Variants in NPIPA5 observed in about 807,000 individuals in gnomAD.
The protein encoded by NPIPA5 is nuclear pore complex interacting protein family member A5, also known as nuclear pore complex-interacting protein family member A5.
In NPIPA5, 6 loss-of-function variants were observed where a neutral mutation model predicts 21.4. That is an observed-to-expected ratio of 0.28 (90% CI 0.15 to 0.55). NPIPA5 has a LOEUF of 0.55. Among genes scored for constraint, NPIPA5 ranks in the 20% least tolerant of loss-of-function variants. NPIPA5 has a pLI of 0.93. For synonymous variants in NPIPA5, 33 were observed against 115.3 expected, an observed-to-expected ratio of 0.29 and a Z score of 4.57; for missense variants, 99 against 318.2, an observed-to-expected ratio of 0.31 and a Z score of 5.24.
upstream of NPIPA5, among the ~76,000 whole-genome samples, chr16:15,379,447 G>T (rs1346837513): frequency 6.6e-6 from 1 of 151,570 alleles, no homozygotes; most frequent in Non-Finnish European, 1.5e-5. Context: ...GGCACCTGTA[G>T]TCCCACCTAC....
chr16:15,379,744 A>G (rs1011550933), upstream of NPIPA5, among the ~76,000 whole-genome samples: 7 of 152,066 alleles, frequency 4.6e-5, no homozygotes, highest in African/African-American at 1.4e-4. Flanking sequence ...TTAGGGGTTG[A>G]CACGAGCCTG....
At chr16:15,375,402 A>T (rs2050264692) in intron 1 of NPIPA5, among the ~76,000 whole-genome samples, 1 of 141,678 alleles carries the variant, frequency 7.1e-6, no homozygotes, top group Admixed American at 7.4e-5. Context: ...AAATACAATG[A>T]AGAGATTATT....
intron 1 of NPIPA5, among the ~76,000 whole-genome samples, chr16:15,376,709 C>G (rs201918926): frequency 0.02 from 1,781 of 90,464 alleles, no homozygotes; most frequent in Non-Finnish European, 0.033. Context: ...GAGGTCAAGA[C>G]ATGGAGACTA....
In NPIPA5 at chr16:15,371,997, G is replaced by C. The variant is rs905927382; in HGVS notation, c.192+1718C>G. On this transcript the variant is annotated intron_variant, in intron 2 of 7. Transcript: ENST00000360151. ...GGTAGCTGGCCCAGTTTGGAGCTAGGAGAAATGTCAAACACATGAAGAAAT... is the reference window on the plus strand; with the variant it reads ...GGTAGCTGGCCCAGTTTGGAGCTAGCAGAAATGTCAAACACATGAAGAAAT... 1.4e-5 allele frequency among the ~76,000 whole-genome samples: 2 copies of C among 144,844 alleles called. 1 individual carries two copies. Among genetic ancestry groups the C allele is most frequent in the Non-Finnish European group, 3.0e-5 (2 of 66,128 alleles).
At chr16:15,377,690 A>G (rs2050342022) in intron 1 of NPIPA5, among the ~76,000 whole-genome samples, 2 of 85,640 alleles carry the variant, frequency 2.3e-5, no homozygotes, top group Admixed American at 1.4e-4. Flanking sequence ...AAGGGAAGGG[A>G]AAGGAGGAGA....
At chr16:15,377,644 G>C (rs1453501674) in intron 1 of NPIPA5, among the ~76,000 whole-genome samples, 1 of 116,076 alleles carries the variant, frequency 8.6e-6, no homozygotes, top group Non-Finnish European at 1.8e-5. Context: ...GAGGGGAGGG[G>C]GAGGGGAAGG....
intron 4 of NPIPA5, among the ~76,000 whole-genome samples, chr16:15,367,190 C>T (rs541183875): frequency 6.6e-6 from 1 of 152,128 alleles, no homozygotes; most frequent in Admixed American, 6.5e-5. Context: ...TCTGACTCCT[C>T]CTGTGTGAGA....
At chr16:15,369,113 T>C (rs1055391062) in intron 4 of NPIPA5, among the ~76,000 whole-genome samples, 22 of 140,606 alleles carry the variant, frequency 1.6e-4, no homozygotes, top group Admixed American at 9.5e-4. Context: ...GATTGCACCA[T>C]AGCACTCCAG....
chr16:15,371,407 T>G, intron 2 of NPIPA5, among the ~76,000 whole-genome samples: 1 of 148,376 alleles, frequency 6.7e-6, no homozygotes, highest in East Asian at 2.0e-4. Flanking sequence ...GCTTTTAATC[T>G]TCGAAGATAT....
chr16:15,375,747 A>G (rs1219868778), intron 1 of NPIPA5, among the ~76,000 whole-genome samples: 1 of 149,008 alleles, frequency 6.7e-6, no homozygotes, highest in Non-Finnish European at 1.5e-5. Context: ...GTCTCAAAAA[A>G]AAAAAAAAAA....
intron 2 of NPIPA5, among the ~76,000 whole-genome samples, chr16:15,370,629 T>C (rs2050128354): frequency 7.1e-6 from 1 of 141,784 alleles, no homozygotes; most frequent in African/African-American, 2.6e-5. Flanking sequence ...TGCATGCCTG[T>C]AATCCCAGCT....
At chr16:15,376,684 A>G (rs2050303295) in intron 1 of NPIPA5, among the ~76,000 whole-genome samples, 1 of 152,220 alleles carries the variant, frequency 6.6e-6, no homozygotes. Context: ...TGGGAGGCTG[A>G]GGCAGGCGGA....
upstream of NPIPA5, among the ~76,000 whole-genome samples, chr16:15,380,150 A>G (rs542623490): frequency 1.2e-3 from 184 of 152,062 alleles, 1 homozygote; most frequent in African/African-American, 4.4e-3. Flanking sequence ...AAAACAAATG[A>G]AGGAGAATAA....
At chr16:15,367,965 AC>A (rs2050023224) in intron 4 of NPIPA5, among the ~76,000 whole-genome samples, 1 of 53,578 alleles carries the variant, frequency 1.9e-5, no homozygotes, top group African/African-American at 7.9e-5. Flanking sequence ...TCCGATGAGA[AC>A]AATGGGGGAC....
rs2050117991 is a variant in NPIPA5, at chr16:15,370,373, C to A, written c.193-254G>T. Among the ~76,000 whole-genome samples, 4 of 140,376 alleles carry A rather than the reference C, an allele frequency of 2.8e-5. 1 individual carries two copies. The highest frequency in any genetic ancestry group is 2.4e-4 in the South Asian group (1 of 4,128). 92.1% of individuals were successfully genotyped at this position (140,376 alleles called of 152,430 possible). A position where few individuals can be genotyped will look rare whatever the true frequency, so the allele number is the denominator to read the frequency against. ...GCTGGGAGGTGGAGGTTGCAGTGAG[C>A]CGAGATCACACCACTGCACTCCAGC... is the stretch of plus-strand genomic sequence containing the variant. On this transcript the variant is annotated intron_variant, in intron 2 of 7. Transcript: ENST00000360151.
At chr16:15,381,051 C>T (rs865929213), upstream of NPIPA5, 1 of 1,526,886 alleles carries the variant, frequency 6.5e-7, no homozygotes, top group Non-Finnish European at 8.7e-7. Context: ...TCACCATTTG[C>T]AGAATGAGAA....
At position 15,370,595 on chromosome 16, in the gene NPIPA5, T is replaced by C. The variant is rs1054389945; in HGVS notation, c.193-476A>G. ...GGAGAAACGCTGTCTCTGCTAAAAA[T>C]ACAAAATTAGCCAGGCATGGTGGTG... On this transcript the variant is annotated intron_variant, in intron 2 of 7. Transcript: ENST00000360151. Among the ~76,000 whole-genome samples, 23 of 140,660 alleles carry C rather than the reference T, an allele frequency of 1.6e-4. 3 individuals carry two copies. Among genetic ancestry groups the C allele is most frequent in the African/African-American group, 4.9e-4 (19 of 38,512 alleles). 92.3% of individuals were successfully genotyped at this position (140,660 alleles called of 152,430 possible).
At chr16:15,377,053 T>G (rs888360117) in intron 1 of NPIPA5, among the ~76,000 whole-genome samples, 1 of 152,086 alleles carries the variant, frequency 6.6e-6, no homozygotes, top group African/African-American at 2.4e-5. Flanking sequence ...TCCGTTTTGT[T>G]TGTTGGAGAC....
chr16:15,381,075 T>C (rs904819759), upstream of NPIPA5: 6 of 1,534,672 alleles, frequency 3.9e-6, no homozygotes, highest in African/African-American at 8.3e-5. Flanking sequence ...GGGCTCATGA[T>C]GAGTGCCAAC....
Sources: allele counts gnomAD v4.1 joint callset (sites outside exome capture counted in the v4.1 genomes callset), GRCh38; gene constraint gnomAD v4.1.1; transcripts MANE v1.5; gene names NCBI Gene and HGNC (gene_info 2026-07-23, HGNC 2026-07-21).